The following NUP155 variants were observed in gnomAD, a reference collection of about 807,000 sequenced individuals.
The protein encoded by NUP155 is nuclear pore complex protein Nup155.
NUP155 carries 71 observed loss-of-function variants against 180.4 expected under a neutral mutation model. The observed-to-expected ratio is 0.39, with a 90% CI of 0.33 to 0.48. The LOEUF is 0.48. NUP155 is among the 20% of genes least tolerant of loss of function. NUP155 has a pLI of 0.91. For synonymous variants in NUP155, 582 were observed against 559.5 expected, an observed-to-expected ratio of 1.04 and a Z score of -0.57; for missense variants, 1,553 against 1,648.9, an observed-to-expected ratio of 0.94 and a Z score of 1.01.
chr5:37,324,067 A>G lies in NUP155; in HGVS notation c.2132T>C (p.Leu711Pro). The change falls in exon 20 of 35, where the codon CTA becomes CCA. Residue 711 changes from leucine (L) to proline (P), a missense_variant. By Grantham distance (98) the Leu-to-Pro change is moderately conservative. Transcript: ENST00000231498. ...TTCCTGCAAACCCTTTAGTTCTTGT[A>G]GCACTGACTCTAGCAGTTGGCAGGG... ...SVPCQLLESV[L>P]QELKGLQEFL... 1.9e-6 allele frequency: 3 copies of G among 1,613,870 alleles called. No individual in the cohort carries two copies. Among genetic ancestry groups the G allele is most frequent in the Non-Finnish European group, 2.5e-6 (3 of 1,179,818 alleles).
In NUP155 at chr5:37,349,228, C is replaced by T; in HGVS notation, c.847G>A (p.Ala283Thr). Reference sequence around the variant, plus strand: ...AAAATATTTCTAGAATTATCAATTGCAATTTGAAGAATAGGATCTAAAAGT... The same window carrying T: ...AAAATATTTCTAGAATTATCAATTGTAATTTGAAGAATAGGATCTAAAAGT... ...FSEDDPILQI[A>T]IDNSRNILYT... The change falls in exon 8 of 35, where the codon GCA (alanine) becomes ACA (threonine). Residue 283 changes from alanine (A) to threonine (T), a missense_variant. Transcript: ENST00000231498. The T allele has an allele frequency of 1.3e-6, 1 of 789,476 alleles. No homozygotes were observed. The highest frequency in any genetic ancestry group is 1.9e-6 in the Non-Finnish European group (1 of 514,918). The allele number at this position is 789,476 out of a possible 1,614,324, so 48.9% of individuals were successfully genotyped here. A position where few individuals can be genotyped will look rare whatever the true frequency, so the allele number is the denominator to read the frequency against.
In NUP155 at chr5:37,364,274, G is replaced by A. The variant is rs753559414; in HGVS notation, c.268C>T (p.Pro90Ser). ...EISSIRRVPL[P>S]PELVEQFGHM... is the part of the protein sequence containing the mutation. ...CCAAACTGCTCAACAAGTTCAGGTGGGAGAGGAACTCTTCGGATGGAACTG... is the reference window on the plus strand; with the variant it reads ...CCAAACTGCTCAACAAGTTCAGGTGAGAGAGGAACTCTTCGGATGGAACTG... Residue 90 changes from proline (P) to serine (S), a missense_variant, in exon 2 of 35, where the codon CCA becomes TCA. By Grantham distance (74) the Pro-to-Ser change is moderately conservative. Coordinates refer to ENST00000231498, the MANE Select transcript of NUP155 (RefSeq NM_153485.3). 1 of 1,612,812 alleles carries A rather than the reference G, an allele frequency of 6.2e-7. No homozygotes were observed. Among genetic ancestry groups the A allele is most frequent in the South Asian group, 1.1e-5 (1 of 91,050 alleles).
intron 4 of NUP155, among the ~76,000 whole-genome samples, chr5:37,357,309 G>C (rs1473985762): frequency 2.9e-5 from 4 of 139,068 alleles, no homozygotes; most frequent in Non-Finnish European, 6.1e-5. Context: ...AGGTGGGAGG[G>C]TCTCCTGAGC....
At chr5:37,366,871 C>T (rs1393065069) in intron 1 of NUP155, among the ~76,000 whole-genome samples, 3 of 151,732 alleles carry the variant, frequency 2.0e-5, no homozygotes, top group Admixed American at 6.6e-5. Flanking sequence ...AGGATGGTCT[C>T]GATCTCCCGA....
chr5:37,369,284 A>T (rs536760798), intron 1 of NUP155, among the ~76,000 whole-genome samples: 1 of 152,312 alleles, frequency 6.6e-6, no homozygotes, highest in African/African-American at 2.4e-5. Flanking sequence ...AAGACAACAA[A>T]GAGAAACTAA....
At chr5:37,360,074 T>C (rs1297227606) in intron 3 of NUP155, among the ~76,000 whole-genome samples, 1 of 151,552 alleles carries the variant, frequency 6.6e-6, no homozygotes. Context: ...GGCAAGATGA[T>C]ACCACTGCAC....
rs928272635 is a variant in NUP155, at chr5:37,355,547, G to GTA, written c.463+2532_463+2533dup. On this transcript the variant is annotated intron_variant, in intron 4 of 34. Transcript: ENST00000231498. Reference sequence around the variant, plus strand: ...ACGGTTAAAGAATGTGTGTGTGTGTGTATATATATATATATTTATTTATTT... The same window carrying GTA: ...ACGGTTAAAGAATGTGTGTGTGTGTGTATATATATATATATATTTATTTATTT... Among the ~76,000 whole-genome samples the GTA allele has an allele frequency of 3.4e-3, 505 of 147,384 alleles. 3 individuals are homozygous for GTA. The highest frequency in any genetic ancestry group is 8.1e-3 in the African/African-American group (320 of 39,646).
chr5:37,308,611 C>T (rs991019920), intron 24 of NUP155, among the ~76,000 whole-genome samples: 4 of 151,798 alleles, frequency 2.6e-5, no homozygotes, highest in African/African-American at 7.3e-5. Flanking sequence ...GGCAGAATGG[C>T]GTGAACCTGG....
In NUP155 at chr5:37,348,574, C is replaced by A. The variant is rs1746254852; in HGVS notation, c.926G>T (p.Gly309Val). 1 of 1,609,408 alleles carries A rather than the reference C, an allele frequency of 6.2e-7. No individual in the cohort carries two copies. Among genetic ancestry groups the A allele is most frequent in the Non-Finnish European group, 8.5e-7 (1 of 1,175,810 alleles). The change falls in exon 9 of 35, where the codon GGA (glycine) becomes GTA (valine). Residue 309 changes from glycine (G) to valine (V), a missense_variant. Gly to Val is a moderately radical substitution (Grantham distance 109). Transcript: ENST00000231498. The stretch of plus-strand genomic sequence containing the variant: ...AGAGGCAACTCTGCTCATTCCTTGT[C>A]CATCTTGTCCCAAATCATACACCTG... The part of the protein sequence containing the change: ...VIQVYDLGQD[G>V]QGMSRVASVS...
At chr5:37,303,455 C>T (rs754020341) in intron 27 of NUP155, 41 bp from the exon 28 acceptor site, 3 of 1,530,616 alleles carry the variant, frequency 2.0e-6, no homozygotes, top group South Asian at 2.2e-5. Context: ...TTCTAACCAC[C>T]TACAGATAAT....
chr5:37,309,796 TATA>T (rs1259725926), intron 23 of NUP155, among the ~76,000 whole-genome samples: 6 of 152,132 alleles, frequency 3.9e-5, no homozygotes, highest in Non-Finnish European at 8.8e-5. Context: ...GGCTCATGTC[TATA>T]ATCCCAACAC....
At chr5:37,345,405 G>C (rs1023839310) in intron 9 of NUP155, among the ~76,000 whole-genome samples, 1 of 151,464 alleles carries the variant, frequency 6.6e-6, no homozygotes, top group African/African-American at 2.4e-5. Context: ...CTACTCAAGA[G>C]GCTGAGATGT....
chr5:37,333,722 T>A, intron 12 of NUP155, 89 bp from the exon 13 acceptor site: 2 of 850,804 alleles, frequency 2.4e-6, no homozygotes, highest in Non-Finnish European at 3.8e-6. Context: ...GAAGTAAATT[T>A]AATAAATAGT....
In NUP155 at chr5:37,301,545, A is replaced by C; in HGVS notation, c.3453T>G (p.Ala1151=). The C allele has an allele frequency of 6.3e-7, 1 of 1,599,466 alleles. No individual in the cohort carries two copies. The highest frequency in any genetic ancestry group is 8.6e-7 in the Non-Finnish European group (1 of 1,166,708). ...LHELEEKMEV[A]RIQLQIQETL... is the part of the protein sequence containing the mutation. ...TCTCCTGTATCTGAAGTTGGATCCT[A>C]GCAACCTAGTTTGGGCAGAAAACAG... is the stretch of plus-strand genomic sequence containing the variant. The change falls in exon 30 of 35, where the codon GCT becomes GCG. Residue 1151 remains alanine, a synonymous_variant. Transcript: ENST00000231498.
chr5:37,367,257 C>CT (rs1195787082), intron 1 of NUP155, among the ~76,000 whole-genome samples: 1 of 151,628 alleles, frequency 6.6e-6, no homozygotes, highest in Non-Finnish European at 1.5e-5. Context: ...GGCTCTCGCT[C>CT]TGTCGCCCAG....
intron 12 of NUP155, among the ~76,000 whole-genome samples, chr5:37,334,321 T>C (rs184841970): frequency 2.0e-5 from 3 of 152,110 alleles, no homozygotes; most frequent in Non-Finnish European, 4.4e-5. Context: ...CAGGATGTTC[T>C]CGAACTCCTG....
At chr5:37,309,414 T>C in intron 23 of NUP155, 147 bp from the exon 24 acceptor site, 1 of 709,094 alleles carries the variant, frequency 1.4e-6, no homozygotes, top group Non-Finnish European at 2.3e-6. Flanking sequence ...TTCTTAATTT[T>C]AGGCAGAAAA....
At chr5:37,325,266 A>T (rs1282607874) in intron 19 of NUP155, among the ~76,000 whole-genome samples, 1 of 152,216 alleles carries the variant, frequency 6.6e-6, no homozygotes, top group African/African-American at 2.4e-5. Context: ...AGTATTACAT[A>T]GTAAAATTTG....
At chr5:37,323,076 T>C (rs992715717) in intron 20 of NUP155, among the ~76,000 whole-genome samples, 1 of 150,246 alleles carries the variant, frequency 6.7e-6, no homozygotes, top group Admixed American at 6.6e-5. Context: ...AGGTCAGGAG[T>C]TCAAGACCAG....
Sources: allele counts gnomAD v4.1 joint callset (sites outside exome capture counted in the v4.1 genomes callset), GRCh38; gene constraint gnomAD v4.1.1; transcripts MANE v1.5; gene names NCBI Gene and HGNC (gene_info 2026-07-23, HGNC 2026-07-21).